Variants in CNTN4 observed in about 807,000 individuals in gnomAD.
CNTN4 encodes contactin 4, also known as contactin-4.
In CNTN4, 77 loss-of-function variants were observed where a neutral mutation model predicts 122.5. The observed-to-expected ratio is 0.63, with a 90% CI of 0.52 to 0.76. The LOEUF is 0.76. Ranked by LOEUF, CNTN4 falls within the 30% of genes least tolerant of loss-of-function variation. The pLI is 0.00. For synonymous variants in CNTN4, 512 were observed against 447.0 expected (o/e 1.15, Z -1.83); for missense variants, 1,256 against 1,259.1 (o/e 1.00, Z 0.04).
chr3:3,021,528 A>T lies in CNTN4; in HGVS notation c.1487-4574A>T, dbSNP rs1389704188. Among the ~76,000 whole-genome samples, 3 of 152,206 alleles carry T rather than the reference A, an allele frequency of 2.0e-5. 1 individual carries two copies. Among genetic ancestry groups the T allele is most frequent in the Admixed American group, 1.3e-4 (2 of 15,276 alleles). ...AAAAACTAATTTAAGGAAAAAAGATACAACTCTACTGAAAGGCATCATCAA... is the reference window on the plus strand; with the variant it reads ...AAAAACTAATTTAAGGAAAAAAGATTCAACTCTACTGAAAGGCATCATCAA... On this transcript the variant is annotated intron_variant, in intron 14 of 24. Coordinates refer to ENST00000418658, the MANE Select transcript of CNTN4 (RefSeq NM_175607.3).
rs577240727 is a variant in CNTN4 at position 2,457,013 on chromosome 3, A to T, written c.-88-114403A>T. On this transcript the variant is annotated intron_variant, in intron 3 of 24. Coordinates refer to ENST00000418658, the MANE Select transcript of CNTN4 (RefSeq NM_175607.3). ...GTTTTACGAATGAGGAAATGGATTC[A>T]CAGAGAGGTTAAAGTACCTCATATT... 7.9e-5 allele frequency among the ~76,000 whole-genome samples: 12 copies of T among 152,266 alleles called. No individual in the cohort carries two copies. The South Asian group carries it at 2.3e-3, about 29-fold the overall frequency.
At chr3:2,571,888 A>G (rs2079437505) in intron 4 of CNTN4, among the ~76,000 whole-genome samples, 1 of 152,206 alleles carries the variant, frequency 6.6e-6, no homozygotes, top group African/African-American at 2.4e-5. Flanking sequence ...AACTGATAAT[A>G]TAGTCTGGAG....
chr3:2,311,120 A>C (rs1024305930), intron 2 of CNTN4, among the ~76,000 whole-genome samples: 1 of 152,108 alleles, frequency 6.6e-6, no homozygotes, highest in Non-Finnish European at 1.5e-5. Context: ...AATAACATTA[A>C]TGTCTTATTG....
At chr3:2,696,162 A>G (rs926639783) in intron 4 of CNTN4, among the ~76,000 whole-genome samples, 1 of 152,246 alleles carries the variant, frequency 6.6e-6, no homozygotes, top group Non-Finnish European at 1.5e-5. Flanking sequence ...TATTCAGCAT[A>G]TTAGCTTTTC....
At chr3:2,309,099 T>C (rs763482782) in intron 2 of CNTN4, among the ~76,000 whole-genome samples, 10 of 152,148 alleles carry the variant, frequency 6.6e-5, no homozygotes, top group Non-Finnish European at 1.3e-4. Flanking sequence ...TATTTCTTCT[T>C]TCATTTCTAT....
intron 4 of CNTN4, among the ~76,000 whole-genome samples, chr3:2,638,990 G>T (rs903299343): frequency 1.2e-4 from 19 of 152,038 alleles, no homozygotes; most frequent in African/African-American, 4.6e-4. Context: ...CTCCTCATTG[G>T]TCTGCCTTTT....
chr3:2,465,602 G>A (rs59758710), intron 3 of CNTN4, among the ~76,000 whole-genome samples: 2,356 of 152,118 alleles, frequency 0.015, 80 homozygotes, highest in African/African-American at 0.054. Flanking sequence ...GCTTGAACCC[G>A]GGAGGCAGAG....
intron 2 of CNTN4, among the ~76,000 whole-genome samples, chr3:2,177,057 C>T (rs2036778741): frequency 6.6e-6 from 1 of 152,008 alleles, no homozygotes; most frequent in African/African-American, 2.4e-5. Flanking sequence ...CATTTGATGT[C>T]CACTTCCTTG....
chr3:2,952,529 A>G (rs997089703), intron 13 of CNTN4, among the ~76,000 whole-genome samples: 1 of 152,110 alleles, frequency 6.6e-6, no homozygotes, highest in Admixed American at 6.5e-5. Flanking sequence ...GTCTATGTGC[A>G]TTTTTTCAAA....
intron 3 of CNTN4, among the ~76,000 whole-genome samples, chr3:2,389,726 G>A (rs545632925): frequency 2.0e-5 from 3 of 152,280 alleles, no homozygotes; most frequent in African/African-American, 7.2e-5. Context: ...GTGAAGAAAA[G>A]GAACCTGGCA....
intron 2 of CNTN4, among the ~76,000 whole-genome samples, chr3:2,317,912 G>A (rs1422897564): frequency 6.6e-6 from 1 of 152,122 alleles, no homozygotes; most frequent in Non-Finnish European, 1.5e-5. Context: ...CGATATAGAT[G>A]CCTTTGGTAT....
intron 4 of CNTN4, among the ~76,000 whole-genome samples, chr3:2,681,734 T>A (rs1049076547): frequency 1.1e-4 from 17 of 152,166 alleles, no homozygotes; most frequent in Admixed American, 1.0e-3. Flanking sequence ...TATGTAGAAA[T>A]ATTTTCTAAT....
chr3:2,635,378 A>AT (rs2082618750), intron 4 of CNTN4, among the ~76,000 whole-genome samples: 1 of 152,288 alleles, frequency 6.6e-6, no homozygotes, highest in South Asian at 2.1e-4. Flanking sequence ...TCTATTAACA[A>AT]TTTTAGCCAT....
At chr3:2,909,904 A>T (rs1274008550) in intron 12 of CNTN4, among the ~76,000 whole-genome samples, 1 of 152,196 alleles carries the variant, frequency 6.6e-6, no homozygotes, top group Non-Finnish European at 1.5e-5. Flanking sequence ...CCACTATCCT[A>T]AAATAGGAAA....
intron 10 of CNTN4, among the ~76,000 whole-genome samples, chr3:2,890,605 A>G (rs999492509): frequency 1.2e-4 from 19 of 152,154 alleles, no homozygotes; most frequent in Admixed American, 3.9e-4. Flanking sequence ...TTCTTGCATT[A>G]AAACCATTTT....
chr3:2,354,000 T>G (rs1298078034), intron 3 of CNTN4, among the ~76,000 whole-genome samples: 1 of 152,228 alleles, frequency 6.6e-6, no homozygotes, highest in African/African-American at 2.4e-5. Context: ...TATGAAATAC[T>G]AGGTACTTTC....
At chr3:2,775,431 A>G (rs1456392348) in intron 6 of CNTN4, among the ~76,000 whole-genome samples, 8 of 151,902 alleles carry the variant, frequency 5.3e-5, no homozygotes, top group Non-Finnish European at 1.2e-4. Flanking sequence ...TGATTTTATT[A>G]TTCTTATTAT....
At chr3:2,745,295 T>C (rs902562810) in intron 5 of CNTN4, among the ~76,000 whole-genome samples, 1 of 152,186 alleles carries the variant, frequency 6.6e-6, no homozygotes, top group Admixed American at 6.5e-5. Flanking sequence ...TTTAATGATA[T>C]TAAAAAAATT....
At chr3:2,356,735 T>C (rs778011525) in intron 3 of CNTN4, among the ~76,000 whole-genome samples, 1 of 152,170 alleles carries the variant, frequency 6.6e-6, no homozygotes, top group Non-Finnish European at 1.5e-5. Flanking sequence ...ATGGAGTTGC[T>C]CTTGTTCAAA....
Sources: allele counts gnomAD v4.1 joint callset (sites outside exome capture counted in the v4.1 genomes callset), GRCh38; gene constraint gnomAD v4.1.1; transcripts MANE v1.5; gene names NCBI Gene and HGNC (gene_info 2026-07-23, HGNC 2026-07-21).